Variants in ALDH1A2 observed in about 807,000 individuals in gnomAD.
ALDH1A2 encodes the protein retinal dehydrogenase 2.
Under a neutral mutation model 60.3 loss-of-function variants are expected in ALDH1A2, and 27 were observed. The ratio of observed to expected loss-of-function variants is 0.45; its 90% CI spans 0.33 to 0.62. The LOEUF is 0.62. ALDH1A2 is among the 20% of genes least tolerant of loss of function. The pLI is 0.02. For synonymous variants in ALDH1A2, 289 were observed against 232.4 expected (o/e 1.24, Z -2.21); for missense variants, 581 against 643.8 (o/e 0.90, Z 1.06).
chr15:58,017,043 AATG>A (rs1895808576), intron 1 of ALDH1A2, among the ~76,000 whole-genome samples: 1 of 152,228 alleles, frequency 6.6e-6, no homozygotes, highest in South Asian at 2.1e-4. Context: ...TTGAGATTCT[AATG>A]ATGAGGTAAA....
At chr15:58,037,043 T>C (rs1896394174) in intron 1 of ALDH1A2, among the ~76,000 whole-genome samples, 1 of 151,564 alleles carries the variant, frequency 6.6e-6, no homozygotes, top group Non-Finnish European at 1.5e-5. Context: ...AAGAAAGAAA[T>C]GGACATTTAG....
At chr15:58,057,695 C>T (rs1595696266) in intron 1 of ALDH1A2, among the ~76,000 whole-genome samples, 2 of 152,264 alleles carry the variant, frequency 1.3e-5, no homozygotes, top group Admixed American at 1.3e-4. Flanking sequence ...CATCTTCTAT[C>T]ATGAACAATA....
chr15:57,979,574 T>C (rs1192920315), intron 7 of ALDH1A2: 2 of 154,752 alleles, frequency 1.3e-5, no homozygotes, highest in Non-Finnish European at 2.9e-5. Flanking sequence ...AAGAAAGCCC[T>C]GCTGCCTGAT....
chr15:58,044,321 A>G (rs2140560413), intron 1 of ALDH1A2, among the ~76,000 whole-genome samples: 1 of 151,912 alleles, frequency 6.6e-6, no homozygotes, highest in South Asian at 2.1e-4. Flanking sequence ...CCACCCACCG[A>G]CATGCCCCAG....
At chr15:58,030,371 G>T (rs796332338) in intron 1 of ALDH1A2, among the ~76,000 whole-genome samples, 1 of 152,060 alleles carries the variant, frequency 6.6e-6, no homozygotes, top group Non-Finnish European at 1.5e-5. Flanking sequence ...AATAAACTAG[G>T]TATTGATAGA....
intron 4 of ALDH1A2, among the ~76,000 whole-genome samples, chr15:58,004,768 G>A (rs1045458149): frequency 6.8e-6 from 1 of 146,036 alleles, no homozygotes; most frequent in African/African-American, 2.5e-5. Flanking sequence ...CCATTGAACA[G>A]CACTTAGGTT....
chr15:58,043,142 G>T (rs965225403), intron 1 of ALDH1A2, among the ~76,000 whole-genome samples: 1 of 151,886 alleles, frequency 6.6e-6, no homozygotes, highest in Non-Finnish European at 1.5e-5. Flanking sequence ...GTCTATGAGG[G>T]TACCAGACCT....
chr15:57,976,031 C>T (rs1194523415), intron 7 of ALDH1A2, among the ~76,000 whole-genome samples: 1 of 152,170 alleles, frequency 6.6e-6, no homozygotes, highest in Non-Finnish European at 1.5e-5. Flanking sequence ...GTACATTAAA[C>T]AAAAATATTA....
chr15:57,961,283 A>C lies in ALDH1A2; in HGVS notation c.1263T>G (p.Pro421=). ...MRIAKEEIFG[P]VQEILRFKTM... Reference sequence around the variant, plus strand: ...TCTTAAATCTCAAAATTTCCTGAACAGGGCCAAAGATCTGCAAAAAGATAA... The same window carrying C: ...TCTTAAATCTCAAAATTTCCTGAACCGGGCCAAAGATCTGCAAAAAGATAA... Residue 421 remains proline, a synonymous_variant, in exon 11 of 13, where the codon CCT becomes CCG. Transcript: ENST00000249750. 1 of 1,614,000 alleles carries C rather than the reference A, an allele frequency of 6.2e-7. No homozygotes were observed. Among genetic ancestry groups the C allele is most frequent in the Non-Finnish European group, 8.5e-7 (1 of 1,179,998 alleles).
intron 7 of ALDH1A2, among the ~76,000 whole-genome samples, chr15:57,979,361 C>T (rs1276696413): frequency 6.6e-6 from 1 of 152,172 alleles, no homozygotes; most frequent in African/African-American, 2.4e-5. Flanking sequence ...GATCGGCTGA[C>T]AAAAGTGGGA....
At chr15:58,061,547 G>A (rs568179208) in intron 1 of ALDH1A2, among the ~76,000 whole-genome samples, 12 of 137,286 alleles carry the variant, frequency 8.7e-5, no homozygotes, top group African/African-American at 2.6e-4. Context: ...TTTTCTCCAT[G>A]GTTGCGAGAG....
intron 7 of ALDH1A2, among the ~76,000 whole-genome samples, chr15:57,969,024 G>C (rs778787476): frequency 6.6e-6 from 1 of 152,192 alleles, no homozygotes; most frequent in Non-Finnish European, 1.5e-5. Flanking sequence ...AATCTCAGAT[G>C]AATGATACCT....
chr15:58,063,659 T>C (rs1897097882), intron 1 of ALDH1A2, among the ~76,000 whole-genome samples: 1 of 152,172 alleles, frequency 6.6e-6, no homozygotes, highest in Non-Finnish European at 1.5e-5. Flanking sequence ...ATACCTGATT[T>C]TACAAGTTTT....
At chr15:58,034,849 T>C (rs1305231154) in intron 1 of ALDH1A2, among the ~76,000 whole-genome samples, 1 of 151,694 alleles carries the variant, frequency 6.6e-6, no homozygotes, top group African/African-American at 2.4e-5. Flanking sequence ...TAATTCTTTT[T>C]ATACATTGGT....
chr15:58,033,265 T>C (rs981056702), intron 1 of ALDH1A2, among the ~76,000 whole-genome samples: 2 of 151,638 alleles, frequency 1.3e-5, no homozygotes, highest in Admixed American at 6.6e-5. Context: ...ATTGGGATTA[T>C]ATTTAGTGTT....
At chr15:58,050,568 T>C (rs1241717976) in intron 1 of ALDH1A2, among the ~76,000 whole-genome samples, 1 of 152,158 alleles carries the variant, frequency 6.6e-6, no homozygotes, top group East Asian at 1.9e-4. Context: ...GTTCCAAGAA[T>C]GGTAAGTGAA....
intron 7 of ALDH1A2, among the ~76,000 whole-genome samples, chr15:57,988,974 C>A (rs919251094): frequency 6.6e-5 from 10 of 151,860 alleles, no homozygotes; most frequent in Non-Finnish European, 1.0e-4. Flanking sequence ...CAAGACCAGC[C>A]TAGCCAACAT....
At chr15:57,992,255 A>G (rs1366235126) in intron 7 of ALDH1A2, among the ~76,000 whole-genome samples, 2 of 152,018 alleles carry the variant, frequency 1.3e-5, no homozygotes, top group African/African-American at 4.8e-5. Flanking sequence ...CCCTATACAG[A>G]AAAAAAATGT....
chr15:57,980,215 G>C (rs957238651), intron 7 of ALDH1A2: 3 of 323,670 alleles, frequency 9.3e-6, no homozygotes, highest in African/African-American at 6.5e-5. Flanking sequence ...CTGAGTATTT[G>C]ATGCCAATGT....
Sources: gnomAD v4.1 joint callset for allele counts (sites outside exome capture counted in the v4.1 genomes callset) on GRCh38, gnomAD v4.1.1 for gene constraint, MANE v1.5 for transcripts, NCBI Gene and HGNC (gene_info 2026-07-23, HGNC 2026-07-21) for gene names.